TRHDE: variants seen among roughly 807,000 people sequenced by gnomAD.
TRHDE encodes the protein thyrotropin-releasing hormone-degrading ectoenzyme.
A neutral mutation model predicts 125.7 loss-of-function variants in TRHDE; 72 were observed. That is an observed-to-expected ratio of 0.57 (90% confidence interval 0.47 to 0.70). The LOEUF is 0.70. TRHDE is among the 30% of genes least tolerant of loss of function. The pLI, the probability that TRHDE is intolerant of heterozygous loss-of-function variation, is 0.00. For missense variants in TRHDE, 1,110 were observed against 1,327.1 expected (o/e 0.84, Z 2.54); for synonymous variants, 509 against 509.1 (o/e 1.00, Z 0.00).
In TRHDE at chr12:72,273,671, T is replaced by TG. The variant is rs1879359750; in HGVS notation, c.914+120dup. 5 of 1,049,826 alleles carry TG rather than the reference T, an allele frequency of 4.8e-6. No individual in the cohort carries two copies. The Admixed American group carries it at 7.0e-5, about 15-fold the overall frequency. 65.0% of individuals were successfully genotyped at this position (1,049,826 alleles called of 1,614,324 possible). A position where few individuals can be genotyped will look rare whatever the true frequency, so the allele number is the denominator to read the frequency against. ...CTTCCAATACCCGGGAAGCCAGGGG[T>TG]GGGGGGAAGGAAACGAAAGCGGAGT... On this transcript the variant is annotated intron_variant, in intron 1 of 18. Transcript: ENST00000261180. The surrounding 1 kb of genome is among the most constrained non-coding windows in gnomAD (Gnocchi z 5.3).
intron 3 of TRHDE, among the ~76,000 whole-genome samples, chr12:72,395,456 A>G (rs1404439618): frequency 6.6e-6 from 1 of 151,892 alleles, no homozygotes; most frequent in Admixed American, 6.6e-5. Flanking sequence ...GCAGTCTCCT[A>G]TCTTTGTAGC....
chr12:72,536,148 G>T (rs917316814), intron 6 of TRHDE, among the ~76,000 whole-genome samples: 48 of 152,214 alleles, frequency 3.2e-4, no homozygotes, highest in African/African-American at 1.2e-3. Flanking sequence ...TTCCTGAAAG[G>T]ACTAAGAAGG....
At chr12:72,380,000 A>G (rs543763178) in intron 3 of TRHDE, among the ~76,000 whole-genome samples, 180 of 152,324 alleles carry the variant, frequency 1.2e-3, no homozygotes, top group Middle Eastern at 3.4e-3. Context: ...GCACATACGC[A>G]TTTTGACAAA....
At chr12:72,270,203 T>C (rs1348281113), upstream of TRHDE, among the ~76,000 whole-genome samples, 1 of 152,140 alleles carries the variant, frequency 6.6e-6, no homozygotes, top group Non-Finnish European at 1.5e-5. Context: ...AGTACAGACA[T>C]TTAAAAACAG....
At chr12:72,348,498 A>G (rs1870434555) in intron 2 of TRHDE, among the ~76,000 whole-genome samples, 1 of 151,932 alleles carries the variant, frequency 6.6e-6, no homozygotes, top group Non-Finnish European at 1.5e-5. Context: ...CTGGTGTGAA[A>G]TATTTTAAAA....
At chr12:72,568,133 A>T (rs1412999935) in intron 9 of TRHDE, among the ~76,000 whole-genome samples, 1 of 152,092 alleles carries the variant, frequency 6.6e-6, no homozygotes, top group African/African-American at 2.4e-5. Context: ...TGTCCTACAG[A>T]GTCATTAGAT....
intron 2 of TRHDE, among the ~76,000 whole-genome samples, chr12:72,328,233 T>G (rs1048805188): frequency 1.7e-4 from 26 of 152,300 alleles, no homozygotes; most frequent in African/African-American, 6.3e-4. Flanking sequence ...CTATAAAGGT[T>G]CCCCTTGATA....
At chr12:72,280,517 A>C (rs1879659071) in intron 1 of TRHDE, among the ~76,000 whole-genome samples, 1 of 152,122 alleles carries the variant, frequency 6.6e-6, no homozygotes. Context: ...AGGGAATGGG[A>C]AAAGAAGGTG....
chr12:72,321,284 G>T (rs1346793391), intron 2 of TRHDE, among the ~76,000 whole-genome samples: 1 of 152,200 alleles, frequency 6.6e-6, no homozygotes, highest in African/African-American at 2.4e-5. Flanking sequence ...CCACTGTTCA[G>T]TGCCAGCTGA....
At chr12:72,521,437 T>C (rs547181080) in intron 6 of TRHDE, among the ~76,000 whole-genome samples, 1 of 152,176 alleles carries the variant, frequency 6.6e-6, no homozygotes, top group Admixed American at 6.5e-5. Flanking sequence ...ATGAGCATGG[T>C]GTAGAGGGGA....
chr12:72,509,083 C>T (rs1417846819), intron 6 of TRHDE, among the ~76,000 whole-genome samples: 5 of 152,014 alleles, frequency 3.3e-5, no homozygotes, highest in East Asian at 1.9e-4. Context: ...TATAGCAATG[C>T]GAGAATAGAC....
intron 15 of TRHDE, among the ~76,000 whole-genome samples, chr12:72,646,960 T>C (rs2136105441): frequency 6.6e-6 from 1 of 152,014 alleles, no homozygotes. Flanking sequence ...TACAACACTA[T>C]AAACCAAATG....
chr12:72,622,307 A>G (rs562343393), intron 15 of TRHDE, among the ~76,000 whole-genome samples: 4 of 152,198 alleles, frequency 2.6e-5, no homozygotes, highest in African/African-American at 9.6e-5. Context: ...TAATTAAATT[A>G]CTTTTAAGGA....
rs1019417924 is a variant in TRHDE, at chr12:72,413,991, G to A, written c.1315+35870G>A. ...CTCTTAGTAAGGTGACTTTTAAAGA[G>A]TAAATCTTTTAAAGTGTATTTCACT... On this transcript the variant is annotated intron_variant, in intron 3 of 18. Coordinates refer to ENST00000261180, the MANE Select transcript of TRHDE (RefSeq NM_013381.3). Among the ~76,000 whole-genome samples, 3 of 152,168 alleles carry A rather than the reference G, an allele frequency of 2.0e-5. No individual in the cohort carries two copies. The East Asian group carries it at 5.8e-4, about 29-fold the overall frequency.
intron 3 of TRHDE, among the ~76,000 whole-genome samples, chr12:72,418,492 G>A (rs1369700218): frequency 2.0e-5 from 3 of 151,980 alleles, no homozygotes; most frequent in African/African-American, 7.2e-5. Context: ...CTCCAGCTGT[G>A]TTACAAAAGT....
intron 2 of TRHDE, among the ~76,000 whole-genome samples, chr12:72,105,981 G>A (rs1362413692): frequency 6.6e-6 from 1 of 152,036 alleles, no homozygotes; most frequent in Admixed American, 6.6e-5. Context: ...CTAGAGTTAA[G>A]AGCTCTTGAG....
Position 72,575,346 on chromosome 12 carries a change from G to A in TRHDE, c.2223G>A (p.Arg741=). Residue 741 remains arginine (R), a synonymous_variant, in exon 11 of 19, where the codon AGG becomes AGA. Coordinates refer to ENST00000261180, the MANE Select transcript of TRHDE (RefSeq NM_013381.3). ...ATTTTAGAGTCAACTATGACCTAAG[G>A]AACTGGAGATTATTAATTGATCAAT... ...TGYFRVNYDL[R]NWRLLIDQLI... 1.2e-6 allele frequency: 2 copies of A among 1,613,602 alleles called. No individual in the cohort carries two copies. Among genetic ancestry groups the A allele is most frequent in the South Asian group, 1.1e-5 (1 of 91,070 alleles).
At chr12:72,339,128 A>C (rs549142285) in intron 2 of TRHDE, among the ~76,000 whole-genome samples, 1 of 152,286 alleles carries the variant, frequency 6.6e-6, no homozygotes, top group South Asian at 2.1e-4. Flanking sequence ...ATCCCTATGT[A>C]AAAGTCCACC....
intron 15 of TRHDE, among the ~76,000 whole-genome samples, chr12:72,644,013 A>C (rs763823538): frequency 2.1e-4 from 32 of 152,174 alleles, no homozygotes; most frequent in Non-Finnish European, 3.8e-4. Flanking sequence ...AAGGGTATAC[A>C]ATGTTTGGTG....
Sources: gnomAD v4.1 joint callset for allele counts (sites outside exome capture counted in the v4.1 genomes callset) on GRCh38, gnomAD v4.1.1 for gene constraint, Gnocchi (gnomAD v3.1) non-coding constraint, MANE v1.5 for transcripts, NCBI Gene and HGNC (gene_info 2026-07-23, HGNC 2026-07-21) for gene names.